Variants in USP39 observed in about 807,000 individuals in gnomAD.
USP39 encodes the protein ubiquitin specific peptidase 39, also known as ubiquitin carboxyl-terminal hydrolase 39.
Under a neutral mutation model 66.4 loss-of-function variants are expected in USP39, and 38 were observed. The ratio of observed to expected loss-of-function variants is 0.57; its 90% CI spans 0.44 to 0.75. The LOEUF is 0.75. USP39 is among the 30% of genes least tolerant of loss of function. USP39 has a pLI of 0.00. For missense variants in USP39, 608 were observed against 714.4 expected, an observed-to-expected ratio of 0.85 and a Z score of 1.70; for synonymous variants, 303 against 274.6, an observed-to-expected ratio of 1.10 and a Z score of -1.02.
chr2:85,636,020 C>T (rs1675741241), intron 6 of USP39, 33 bp from the exon 7 acceptor site: 1 of 1,607,590 alleles, frequency 6.2e-7, no homozygotes. Context: ...TGCCACTTAG[C>T]TTCAACGTTT....
Position 85,637,388 on chromosome 2 carries a change from C to A in USP39, c.1047C>A (p.Phe349Leu). 3 of 1,614,166 alleles carry A rather than the reference C, an allele frequency of 1.9e-6. No individual in the cohort carries two copies. Among genetic ancestry groups the A allele is most frequent in the Non-Finnish European group, 8.5e-7 (1 of 1,180,036 alleles). Reference protein sequence around the residue: ...KKKKTIVTDVFQGSMRIFTKK... With the variant: ...KKKKTIVTDVLQGSMRIFTKK... Reference sequence around the variant, plus strand: ...GTGCAGCTATTGTGACTGATGTTTTCCAGGGGTCCATGAGGATCTTCACTA... The same window carrying A: ...GTGCAGCTATTGTGACTGATGTTTTACAGGGGTCCATGAGGATCTTCACTA... The change falls in exon 8 of 13, where the codon TTC (phenylalanine) becomes TTA (leucine). Residue 349 changes from phenylalanine (F) to leucine (L), a missense_variant. Phe to Leu is a conservative substitution (Grantham distance 22). Transcript: ENST00000323701.
chr2:85,609,088 A>G (rs569335915), upstream of USP39: 25 of 1,613,594 alleles, frequency 1.5e-5, no homozygotes, highest in African/African-American at 3.1e-4. Flanking sequence ...GAAGAGTCAG[A>G]AGGCTCAGGG....
upstream of USP39, chr2:85,611,892 C>A: frequency 6.3e-7 from 1 of 1,596,310 alleles, no homozygotes; most frequent in South Asian, 1.1e-5. Context: ...CGATCTGGTT[C>A]CGTCGGATAT....
chr2:85,609,386 C>T, upstream of USP39: 2 of 1,597,172 alleles, frequency 1.3e-6, no homozygotes, highest in South Asian at 2.3e-5. Flanking sequence ...ACAATGATTA[C>T]TACCATGGCC....
upstream of USP39, chr2:85,612,302 G>A (rs1673613700): frequency 6.5e-7 from 1 of 1,535,710 alleles, no homozygotes; most frequent in Non-Finnish European, 8.7e-7. Flanking sequence ...TCAGAAAAAT[G>A]CAAATCATCT....
chr2:85,622,110 G>A (rs547030340), intron 3 of USP39, among the ~76,000 whole-genome samples: 25 of 151,356 alleles, frequency 1.7e-4, no homozygotes, highest in African/African-American at 5.8e-4. Context: ...GTGAGCCACC[G>A]CGCCCGGCCT....
chr2:85,626,779 G>A (rs1674898018), intron 5 of USP39, among the ~76,000 whole-genome samples: 1 of 150,776 alleles, frequency 6.6e-6, no homozygotes, highest in African/African-American at 2.4e-5. Context: ...GTGTAGTGGC[G>A]CAATCTCAGC....
At chr2:85,632,137 A>G (rs1675396730) in intron 6 of USP39, among the ~76,000 whole-genome samples, 1 of 152,316 alleles carries the variant, frequency 6.6e-6, no homozygotes, top group East Asian at 1.9e-4. Flanking sequence ...CCTGAATCTC[A>G]TATGGTATCC....
At chr2:85,632,725 G>A (rs927625178) in intron 6 of USP39, among the ~76,000 whole-genome samples, 23 of 152,270 alleles carry the variant, frequency 1.5e-4, no homozygotes, top group African/African-American at 5.5e-4. Flanking sequence ...TGGGATTACA[G>A]GCGTGAGCCA....
At chr2:85,611,303 G>A (rs1673506626), upstream of USP39, 1 of 1,420,036 alleles carries the variant, frequency 7.0e-7, no homozygotes, top group Non-Finnish European at 9.1e-7. Flanking sequence ...GAGAAGCTGG[G>A]GAAAGGCCAT....
intron 5 of USP39, among the ~76,000 whole-genome samples, chr2:85,629,538 C>A (rs1675158754): frequency 1.4e-5 from 2 of 143,546 alleles, no homozygotes; most frequent in South Asian, 4.3e-4. Flanking sequence ...CTCTTGTTGT[C>A]TAGGCTGGAG....
Position 85,643,472 on chromosome 2 carries a change from C to T in USP39, c.1428-1476C>T, listed in dbSNP as rs145582315. 5.3e-3 allele frequency among the ~76,000 whole-genome samples: 799 copies of T among 150,580 alleles called. 9 individuals carry two copies. The highest frequency in any genetic ancestry group is 0.019 in the African/African-American group (766 of 40,930). On this transcript the variant is annotated intron_variant, in intron 10 of 12. Coordinates refer to ENST00000323701, the MANE Select transcript of USP39 (RefSeq NM_006590.4). The stretch of plus-strand genomic sequence containing the variant: ...TAGCGCCATTGCACTCCAGTCTGGG[C>T]GACAGAGCGAGACTCTGTCTCAAAA...
chr2:85,630,626 A>G (rs1675246053), intron 5 of USP39, 95 bp from the exon 6 acceptor site: 3 of 1,240,002 alleles, frequency 2.4e-6, no homozygotes, highest in Non-Finnish European at 3.4e-6. Context: ...TCACAGGCAC[A>G]TCACAAATTC....
upstream of USP39, among the ~76,000 whole-genome samples, chr2:85,614,740 A>G (rs942958652): frequency 9.9e-5 from 15 of 152,190 alleles, no homozygotes; most frequent in Admixed American, 3.9e-4. Flanking sequence ...AAAATTAGGA[A>G]TGCCTTTATT....
At chr2:85,612,006 C>T (rs1179701379), upstream of USP39, 2 of 1,483,226 alleles carry the variant, frequency 1.3e-6, no homozygotes, top group Admixed American at 4.9e-5. Context: ...GACGCAGAGT[C>T]GCCGCCGCCT....
intron 5 of USP39, among the ~76,000 whole-genome samples, chr2:85,628,289 G>T (rs1293722561): frequency 2.0e-5 from 3 of 152,050 alleles, no homozygotes; most frequent in South Asian, 2.1e-4. Flanking sequence ...GGGACTACAG[G>T]TGCGTGCCAC....
intron 8 of USP39, among the ~76,000 whole-genome samples, chr2:85,638,418 C>T (rs1241747445): frequency 6.6e-6 from 1 of 152,056 alleles, no homozygotes; most frequent in Non-Finnish European, 1.5e-5. Flanking sequence ...ACTGCAACCT[C>T]AACCTCCCTT....
At chr2:85,623,807 G>A (rs2104261233) in intron 4 of USP39, 25 bp downstream of exon 4, 2 of 1,598,646 alleles carry the variant, frequency 1.3e-6, no homozygotes, top group South Asian at 1.1e-5. Flanking sequence ...GGGTTGGTTT[G>A]GGGTCCATTC....
At chr2:85,641,139 C>A (rs971699705) in intron 10 of USP39, 21 bp downstream of exon 10, 2 of 1,611,276 alleles carry the variant, frequency 1.2e-6, no homozygotes, top group East Asian at 2.2e-5. Context: ...TCCTGCCTCA[C>A]TTCTCTCACG....
Sources: allele counts gnomAD v4.1 joint callset (sites outside exome capture counted in the v4.1 genomes callset), GRCh38; gene constraint gnomAD v4.1.1; transcripts MANE v1.5; gene names NCBI Gene and HGNC (gene_info 2026-07-23, HGNC 2026-07-21).